CSMD1: variants seen among roughly 807,000 people sequenced by gnomAD.
The protein encoded by CSMD1 is CUB and sushi domain-containing protein 1.
In CSMD1, 213 loss-of-function variants were observed where a neutral mutation model predicts 417.5. The ratio of observed to expected loss-of-function variants is 0.51; its 90% confidence interval spans 0.46 to 0.57. The LOEUF is 0.57. Ranked by LOEUF, CSMD1 falls within the 20% of genes least tolerant of loss-of-function variation. The pLI, the probability that CSMD1 is intolerant of heterozygous loss-of-function variation, is 0.00. For missense variants in CSMD1, 6,923 were observed against 4,529.7 expected (o/e 1.53, Z -15.17); for synonymous variants, 2,862 against 1,736.8 (o/e 1.65, Z -16.11).
chr8:4,582,548 GAAGA>G (rs1354943103), intron 2 of CSMD1, among the ~76,000 whole-genome samples: 1 of 152,182 alleles, frequency 6.6e-6, no homozygotes, highest in Non-Finnish European at 1.5e-5. Context: ...GATCAGGAAG[GAAGA>G]CAGTCTCTAG....
chr8:4,254,323 C>T (rs999168478), intron 3 of CSMD1, among the ~76,000 whole-genome samples: 2 of 152,098 alleles, frequency 1.3e-5, no homozygotes, highest in African/African-American at 4.8e-5. Flanking sequence ...TTATTGATAA[C>T]ATTCGTTCTA....
chr8:4,207,406 A>T (rs566526787), intron 3 of CSMD1, among the ~76,000 whole-genome samples: 70 of 152,288 alleles, frequency 4.6e-4, no homozygotes, highest in Middle Eastern at 3.4e-3. Context: ...TTAATAAGCA[A>T]ATCATATTTT....
intron 3 of CSMD1, among the ~76,000 whole-genome samples, chr8:4,323,442 A>C (rs560649784): frequency 1.2e-4 from 18 of 152,122 alleles, no homozygotes; most frequent in East Asian, 3.9e-4. Context: ...CATTTGATTC[A>C]AAGTAACCAT....
At chr8:3,679,788 A>G (rs940530793) in intron 7 of CSMD1, among the ~76,000 whole-genome samples, 5 of 152,216 alleles carry the variant, frequency 3.3e-5, no homozygotes, top group African/African-American at 1.2e-4. Flanking sequence ...GTTGGAAGTA[A>G]AGCTCTCCTC....
At chr8:3,196,676 G>A (rs1796721328) in intron 33 of CSMD1, among the ~76,000 whole-genome samples, 1 of 152,104 alleles carries the variant, frequency 6.6e-6, no homozygotes, top group Admixed American at 6.5e-5. Flanking sequence ...GAAAGGTTGG[G>A]CAGGCAGGAC....
At chr8:3,394,719 T>C (rs1389674800) in intron 17 of CSMD1, among the ~76,000 whole-genome samples, 1 of 152,182 alleles carries the variant, frequency 6.6e-6, no homozygotes, top group Non-Finnish European at 1.5e-5. Flanking sequence ...ACACATATTG[T>C]TACTTCAAAG....
chr8:3,543,099 C>T (rs748122853), intron 10 of CSMD1, among the ~76,000 whole-genome samples: 12 of 152,122 alleles, frequency 7.9e-5, no homozygotes, highest in Admixed American at 3.3e-4. Context: ...CTTCATGCAT[C>T]GTGAGCAAAT....
At chr8:4,411,007 C>G (rs1482982232) in intron 3 of CSMD1, among the ~76,000 whole-genome samples, 3 of 152,078 alleles carry the variant, frequency 2.0e-5, no homozygotes, top group African/African-American at 4.8e-5. Context: ...CTGTGTCTTA[C>G]CTCTTTTGCA....
chr8:3,561,089 T>A (rs781559093), intron 10 of CSMD1, among the ~76,000 whole-genome samples: 7 of 152,126 alleles, frequency 4.6e-5, no homozygotes, highest in African/African-American at 1.2e-4. Flanking sequence ...AGAACCACAG[T>A]GAGATGCCAC....
At chr8:3,283,265 C>CAG (rs1246816530) in intron 26 of CSMD1, among the ~76,000 whole-genome samples, 1 of 152,006 alleles carries the variant, frequency 6.6e-6, no homozygotes, top group Non-Finnish European at 1.5e-5. Context: ...AGGTTGTTTG[C>CAG]AGAGAGACTT....
chr8:3,507,097 C>T (rs958727278), intron 10 of CSMD1, among the ~76,000 whole-genome samples: 5 of 151,996 alleles, frequency 3.3e-5, no homozygotes, highest in South Asian at 2.1e-4. Context: ...ATGATAATTA[C>T]TATTATTATA....
chr8:3,808,463 T>A (rs2720884), intron 5 of CSMD1, among the ~76,000 whole-genome samples: 78 of 152,122 alleles, frequency 5.1e-4, no homozygotes, highest in Non-Finnish European at 5.4e-4. Context: ...TGTTTCTCTC[T>A]TTATACTTTT....
Position 4,756,465 on chromosome 8 carries a change from G to A in CSMD1, c.86-118907C>T, listed in dbSNP as rs1328406015. ...CCTAAACGCTAAAAGTTAATTTGGG[G>A]AGGAAATAAATTATATATAAATGTA... On this transcript the variant is annotated intron_variant, in intron 1 of 69. Transcript: ENST00000635120. 2.6e-5 allele frequency among the ~76,000 whole-genome samples: 4 copies of A among 152,106 alleles called. 1 individual carries two copies. Among genetic ancestry groups the A allele is most frequent in the Non-Finnish European group, 5.9e-5 (4 of 68,034 alleles).
intron 5 of CSMD1, among the ~76,000 whole-genome samples, chr8:3,889,070 C>CTTTT (rs1437278717): frequency 6.6e-6 from 1 of 151,984 alleles, no homozygotes; most frequent in Non-Finnish European, 1.5e-5. Flanking sequence ...TGTTAACTAT[C>CTTTT]TTTTTTCTGC....
At chr8:4,795,394 T>C (rs6991033) in intron 1 of CSMD1, among the ~76,000 whole-genome samples, 2,735 of 149,078 alleles carry the variant, frequency 0.018, 93 homozygotes, top group African/African-American at 0.064. Flanking sequence ...GCCTCAGCCT[T>C]CCGAGTAGCT....
At chr8:4,884,074 T>C (rs1019750800) in intron 1 of CSMD1, among the ~76,000 whole-genome samples, 1 of 152,060 alleles carries the variant, frequency 6.6e-6, no homozygotes, top group Non-Finnish European at 1.5e-5. Flanking sequence ...TGCATTTCCC[T>C]GATGGCAAAT....
intron 5 of CSMD1, among the ~76,000 whole-genome samples, chr8:3,757,373 G>T (rs983342581): frequency 2.0e-5 from 3 of 152,098 alleles, no homozygotes; most frequent in East Asian, 1.9e-4. Context: ...AATGGCAGTG[G>T]GTGTGTTCCA....
chr8:3,141,296 G>C (rs1261984202), intron 41 of CSMD1, among the ~76,000 whole-genome samples: 1 of 152,160 alleles, frequency 6.6e-6, no homozygotes, highest in Non-Finnish European at 1.5e-5. Flanking sequence ...GACAGTGAAA[G>C]AAACCAGACC....
intron 3 of CSMD1, among the ~76,000 whole-genome samples, chr8:4,059,250 G>T (rs2912279): frequency 6.6e-6 from 1 of 152,040 alleles, no homozygotes; most frequent in Non-Finnish European, 1.5e-5. Flanking sequence ...CCAAAGAGAA[G>T]AAAGACACAA....
Sources: allele counts gnomAD v4.1 joint callset (sites outside exome capture counted in the v4.1 genomes callset), GRCh38; gene constraint gnomAD v4.1.1; transcripts MANE v1.5; gene names NCBI Gene and HGNC (gene_info 2026-07-23, HGNC 2026-07-21).